RUNX1: variants seen among roughly 807,000 people sequenced by gnomAD.
The protein encoded by RUNX1 is RUNX family transcription factor 1.
In RUNX1, 19 loss-of-function variants were observed where a neutral mutation model predicts 42.8. The ratio of observed to expected loss-of-function variants is 0.44; its 90% CI spans 0.31 to 0.65. The LOEUF is 0.65. Among genes scored for constraint, RUNX1 ranks in the 30% least tolerant of loss-of-function variants. The pLI is 0.07. For missense variants in RUNX1, 528 were observed against 672.0 expected, an observed-to-expected ratio of 0.79 and a Z score of 2.37; for synonymous variants, 271 against 289.4, an observed-to-expected ratio of 0.94 and a Z score of 0.64.
intron 2 of RUNX1, among the ~76,000 whole-genome samples, chr21:35,033,093 A>T (rs1254790669): frequency 6.6e-6 from 1 of 151,912 alleles, no homozygotes; most frequent in Non-Finnish European, 1.5e-5. Context: ...CTATCTATCC[A>T]TCAATTTGTC....
intron 5 of RUNX1, among the ~76,000 whole-genome samples, chr21:34,875,197 C>A (rs1422754065): frequency 6.6e-6 from 1 of 152,248 alleles, no homozygotes; most frequent in Non-Finnish European, 1.5e-5. Context: ...CTGGTCCTTG[C>A]CATGACTGGG....
rs1472069927 is a variant in RUNX1, at chr21:34,886,692, T to TC, written c.351+150dup. ...CGAGGGTCGCCACGGCAACACAGCA[T>TC]CCCCCACATCCCAAGCTAGGAAGAC... On this transcript the variant is annotated intron_variant, in intron 4 of 8. Transcript: ENST00000675419. 3.2e-6 allele frequency: 4 copies of TC among 1,251,666 alleles called. No homozygotes were observed. The East Asian group carries it at 7.6e-5, about 24-fold the overall frequency. The allele number at this position is 1,251,666 out of a possible 1,614,324, so 77.5% of individuals were successfully genotyped here. A position where few individuals can be genotyped will look rare whatever the true frequency, so the allele number is the denominator to read the frequency against.
intron 6 of RUNX1, among the ~76,000 whole-genome samples, chr21:34,847,634 CA>C (rs1359392561): frequency 1.3e-5 from 2 of 152,092 alleles, no homozygotes; most frequent in African/African-American, 2.4e-5. Flanking sequence ...ATAGATGACC[CA>C]GGGGAAGCTT....
intron 2 of RUNX1, among the ~76,000 whole-genome samples, chr21:35,037,478 G>A (rs1012307845): frequency 4.6e-5 from 7 of 152,182 alleles, no homozygotes; most frequent in East Asian, 3.8e-4. Context: ...CCACAGCGTC[G>A]CCTCCTGTCC....
chr21:34,913,956 G>A (rs1388022061), intron 2 of RUNX1, among the ~76,000 whole-genome samples: 1 of 152,172 alleles, frequency 6.6e-6, no homozygotes, highest in Non-Finnish European at 1.5e-5. Flanking sequence ...GGTAAAATAT[G>A]GGTTCCAGTG....
intron 2 of RUNX1, among the ~76,000 whole-genome samples, chr21:34,928,764 T>C (rs995043308): frequency 2.6e-5 from 4 of 152,144 alleles, no homozygotes; most frequent in East Asian, 1.9e-4. Flanking sequence ...GATAAAGATC[T>C]GATGCACAAC....
chr21:34,956,031 A>G (rs192041269), intron 2 of RUNX1, among the ~76,000 whole-genome samples: 1 of 152,240 alleles, frequency 6.6e-6, no homozygotes, highest in Non-Finnish European at 1.5e-5. Context: ...TAGCCAAAAC[A>G]AAACAGCACA....
chr21:34,821,706 C>A (rs1431264541), intron 7 of RUNX1: 1 of 1,560,720 alleles, frequency 6.4e-7, no homozygotes, highest in Non-Finnish European at 8.7e-7. Flanking sequence ...TCTGAGGGAG[C>A]CATGTGTGAC....
At position 34,851,630 on chromosome 21, in the gene RUNX1, A is replaced by T. The variant is rs893123280; in HGVS notation, c.613+7844T>A. 2.0e-5 allele frequency among the ~76,000 whole-genome samples: 3 copies of T among 152,282 alleles called. No homozygotes were observed. The East Asian group carries it at 5.8e-4, about 29-fold the overall frequency. On this transcript the variant is annotated intron_variant, in intron 6 of 8. Coordinates refer to ENST00000675419, the MANE Select transcript of RUNX1 (RefSeq NM_001754.5). ...GGCATGTCATACAATGAATTCTAACAAGGACTGCAATATATTAGTTTAGAT... is the reference window on the plus strand; with the variant it reads ...GGCATGTCATACAATGAATTCTAACTAGGACTGCAATATATTAGTTTAGAT...
At chr21:34,956,463 G>T (rs1292503855) in intron 2 of RUNX1, among the ~76,000 whole-genome samples, 1 of 152,024 alleles carries the variant, frequency 6.6e-6, no homozygotes, top group Non-Finnish European at 1.5e-5. Context: ...AAGCTCCTTG[G>T]GTCTTCGAAA....
chr21:34,900,585 C>T (rs1040024611), intron 2 of RUNX1, among the ~76,000 whole-genome samples: 14 of 152,286 alleles, frequency 9.2e-5, no homozygotes, highest in African/African-American at 3.4e-4. Context: ...AACTGAGTTG[C>T]AAAGGCCTAC....
chr21:34,979,478 C>T (rs2058830627), intron 2 of RUNX1, among the ~76,000 whole-genome samples: 2 of 152,190 alleles, frequency 1.3e-5, no homozygotes, highest in African/African-American at 4.8e-5. Flanking sequence ...TACATAGGCA[C>T]ATATGTGGTT....
chr21:34,867,167 C>T (rs915796088), intron 5 of RUNX1, among the ~76,000 whole-genome samples: 4 of 151,866 alleles, frequency 2.6e-5, no homozygotes, highest in African/African-American at 9.7e-5. Context: ...GAGGCCAAGA[C>T]GGGAGGATCA....
chr21:35,036,570 G>A (rs898574588), intron 2 of RUNX1, among the ~76,000 whole-genome samples: 4 of 152,104 alleles, frequency 2.6e-5, no homozygotes. Context: ...AAGGTGAAGG[G>A]GGAAAAGAAG....
At chr21:34,956,206 G>A (rs2058642749) in intron 2 of RUNX1, among the ~76,000 whole-genome samples, 1 of 152,074 alleles carries the variant, frequency 6.6e-6, no homozygotes, top group Admixed American at 6.5e-5. Context: ...CAGTGACTAA[G>A]GCAGACAGCG....
At chr21:34,984,700 G>GGTTGAT (rs1416701413) in intron 2 of RUNX1, among the ~76,000 whole-genome samples, 2 of 152,100 alleles carry the variant, frequency 1.3e-5, no homozygotes, top group Non-Finnish European at 1.5e-5. Context: ...GGGAATGAAG[G>GGTTGAT]GTTGATGGAA....
chr21:34,944,501 G>A (rs1233460621), intron 2 of RUNX1, among the ~76,000 whole-genome samples: 1 of 152,216 alleles, frequency 6.6e-6, no homozygotes, highest in East Asian at 1.9e-4. Flanking sequence ...ACGAATGCCA[G>A]CACTGAAATA....
rs148310903 is a variant in RUNX1 at position 35,029,335 on chromosome 21, A to G, written c.58+19507T>C. On this transcript the variant is annotated intron_variant, in intron 2 of 8. Transcript: ENST00000675419. Reference sequence around the variant, plus strand: ...TACACCTCAGTTCTGATCCTAACACAGCTAGCATCATTGGCCGTGTCACCT... The same window carrying G: ...TACACCTCAGTTCTGATCCTAACACGGCTAGCATCATTGGCCGTGTCACCT... Among the ~76,000 whole-genome samples, 11 of 152,366 alleles carry G rather than the reference A, an allele frequency of 7.2e-5. No homozygotes were observed. The East Asian group carries it at 1.7e-3, about 24-fold the overall frequency.
intron 2 of RUNX1, among the ~76,000 whole-genome samples, chr21:35,001,517 A>G (rs555090581): frequency 4.6e-5 from 7 of 152,274 alleles, no homozygotes; most frequent in African/African-American, 1.7e-4. Flanking sequence ...TAAAGCTCAT[A>G]TATAGAAACC....
Sources: allele counts gnomAD v4.1 joint callset (sites outside exome capture counted in the v4.1 genomes callset), GRCh38; gene constraint gnomAD v4.1.1; transcripts MANE v1.5; gene names NCBI Gene and HGNC (gene_info 2026-07-23, HGNC 2026-07-21).